Variants in LRP12 observed in about 807,000 individuals in gnomAD.
The protein encoded by LRP12 is low-density lipoprotein receptor-related protein 12.
LRP12 carries 14 observed loss-of-function variants against 66.0 expected under a neutral mutation model. The observed-to-expected ratio is 0.21, with a 90% confidence interval of 0.14 to 0.33. LRP12 has a LOEUF of 0.33. LRP12 is among the 10% of genes least tolerant of loss of function. LRP12 has a pLI of 1.00. For synonymous variants in LRP12, 357 were observed against 359.1 expected (o/e 0.99, Z 0.07); for missense variants, 889 against 1,053.4 (o/e 0.84, Z 2.16).
chr8:104,527,089 C>T (rs1316487102), intron 2 of LRP12, among the ~76,000 whole-genome samples: 16 of 151,392 alleles, frequency 1.1e-4, no homozygotes, highest in South Asian at 1.0e-3. Flanking sequence ...AAATGCTCAC[C>T]GTCACTGGCC....
intron 1 of LRP12, among the ~76,000 whole-genome samples, chr8:104,552,354 T>C (rs1811740014): frequency 2.0e-5 from 3 of 148,460 alleles, no homozygotes; most frequent in Admixed American, 6.6e-5. Flanking sequence ...AATAAATGTA[T>C]AAATATGTCT....
rs754890211 is a variant in LRP12, at chr8:104,535,576, A to C, written c.80-3613T>G. On this transcript the variant is annotated intron_variant, in intron 1 of 6. Coordinates refer to ENST00000276654, the MANE Select transcript of LRP12 (RefSeq NM_013437.5). ...CTAATAAATACACCTAAGATTTGAT[A>C]GGTATGTACCAGCCAAATCCTAAGT... Among the ~76,000 whole-genome samples the C allele has an allele frequency of 1.2e-4, 19 of 152,034 alleles. 1 individual carries two copies. Among genetic ancestry groups the C allele is most frequent in the Non-Finnish European group, 2.9e-5 (2 of 67,922 alleles).
chr8:104,548,628 T>TATATAATTAAATTAATTATATA (rs1811675992), intron 1 of LRP12, among the ~76,000 whole-genome samples: 1 of 114,526 alleles, frequency 8.7e-6, no homozygotes, highest in South Asian at 2.6e-4. Context: ...ATTATATAAT[T>TATATAATTAAATTAATTATATA]ATTATATAAT....
intron 1 of LRP12, among the ~76,000 whole-genome samples, chr8:104,580,641 T>C (rs1380689241): frequency 6.6e-6 from 1 of 152,104 alleles, no homozygotes. Context: ...ATGAACACTT[T>C]TCAAAAAAAG....
chr8:104,550,108 T>C (rs1198477858), intron 1 of LRP12, among the ~76,000 whole-genome samples: 1 of 152,208 alleles, frequency 6.6e-6, no homozygotes, highest in Admixed American at 6.5e-5. Flanking sequence ...TGAGCACTTA[T>C]ACTGTGCCAG....
intron 1 of LRP12, among the ~76,000 whole-genome samples, chr8:104,536,077 G>A (rs1811389381): frequency 6.6e-6 from 1 of 151,946 alleles, no homozygotes; most frequent in Admixed American, 6.6e-5. Flanking sequence ...AAGCAAAGAT[G>A]GTTCCTATTT....
At chr8:104,496,220 T>C (rs1468915101) in intron 5 of LRP12, 1 of 152,214 alleles carries the variant, frequency 6.6e-6, no homozygotes, top group South Asian at 2.1e-4. Context: ...TGTTGTCACT[T>C]AACTCTACAA....
rs1308971963 is a variant in LRP12, at chr8:104,491,222, T to C, written c.2031A>G (p.Gln677=). 1 of 1,614,052 alleles carries C rather than the reference T, an allele frequency of 6.2e-7. No homozygotes were observed. The highest frequency in any genetic ancestry group is 8.5e-7 in the Non-Finnish European group (1 of 1,179,974). ...ASGGVAAPLP[Q]KVPPTTAVEA... is the part of the protein sequence containing the mutation. ...CTACTGCCGTTGTGGGAGGGACTTT[T>C]TGAGGCAAAGGAGCTGCAACCCCAC... Residue 677 remains glutamine (Q), a synonymous_variant, in exon 7 of 7, where the codon CAA becomes CAG. Coordinates refer to ENST00000276654, the MANE Select transcript of LRP12 (RefSeq NM_013437.5).
chr8:104,541,466 A>G (rs1811474964), intron 1 of LRP12, among the ~76,000 whole-genome samples: 1 of 152,202 alleles, frequency 6.6e-6, no homozygotes, highest in Non-Finnish European at 1.5e-5. Flanking sequence ...AAAAAAAATT[A>G]CACACCTATA....
chr8:104,531,696 T>C (rs961683389), intron 2 of LRP12, among the ~76,000 whole-genome samples: 1 of 152,138 alleles, frequency 6.6e-6, no homozygotes, highest in Non-Finnish European at 1.5e-5. Flanking sequence ...GCAGTCCGTT[T>C]GGAAAAGTAT....
intron 1 of LRP12, among the ~76,000 whole-genome samples, chr8:104,547,484 TATA>T (rs1490016664): frequency 7.4e-6 from 1 of 134,332 alleles, no homozygotes; most frequent in Non-Finnish European, 1.5e-5. Flanking sequence ...GTATACAATA[TATA>T]ATTCTGTTAT....
At chr8:104,527,845 A>G (rs1167015340) in intron 2 of LRP12, among the ~76,000 whole-genome samples, 1 of 151,712 alleles carries the variant, frequency 6.6e-6, no homozygotes, top group Admixed American at 6.6e-5. Context: ...AAAACAAAGA[A>G]AAAAAAAGAC....
chr8:104,577,553 G>A (rs919177327), intron 1 of LRP12, among the ~76,000 whole-genome samples: 4 of 152,178 alleles, frequency 2.6e-5, no homozygotes, highest in Admixed American at 6.5e-5. Flanking sequence ...GCTCACGCCT[G>A]TAATCCCACC....
At chr8:104,500,565 T>C (rs1431144889) in intron 3 of LRP12, among the ~76,000 whole-genome samples, 3 of 152,162 alleles carry the variant, frequency 2.0e-5, no homozygotes, top group Admixed American at 6.5e-5. Context: ...TAGCCGGGCA[T>C]GATGGTATGT....
rs879237391 is a variant in LRP12, at chr8:104,588,970, ACGCCGC to A, written c.-79_-74del. The A allele has an allele frequency of 0.017, 10,037 of 600,894 alleles. 328 individuals carry two copies. The highest frequency in any genetic ancestry group is 0.12 in the African/African-American group (4,724 of 40,518). 37.2% of individuals were successfully genotyped at this position (600,894 alleles called of 1,614,324 possible). A position where few individuals can be genotyped will look rare whatever the true frequency, so the allele number is the denominator to read the frequency against. On this transcript the variant is annotated 5_prime_UTR_variant, in exon 1 of 7. Coordinates refer to ENST00000276654, the MANE Select transcript of LRP12 (RefSeq NM_013437.5). The stretch of plus-strand genomic sequence containing the variant: ...GAGAAGCTGGAGGTAGACGACGCCG[ACGCCGC>A]CGCCGCCGCCGCCGCCGCCGCCGAG...
intron 1 of LRP12, among the ~76,000 whole-genome samples, chr8:104,573,504 T>A (rs988546175): frequency 1.3e-5 from 2 of 152,146 alleles, no homozygotes; most frequent in Non-Finnish European, 2.9e-5. Context: ...TAAGAAGGGA[T>A]CTACTTCTTA....
chr8:104,547,641 T>G (rs1564141458), intron 1 of LRP12, among the ~76,000 whole-genome samples: 1 of 124,594 alleles, frequency 8.0e-6, no homozygotes, highest in Non-Finnish European at 1.6e-5. Context: ...TAAATATATA[T>G]TAATAATTAA....
intron 1 of LRP12, among the ~76,000 whole-genome samples, chr8:104,553,903 A>G (rs1240966010): frequency 6.6e-6 from 1 of 152,184 alleles, no homozygotes; most frequent in African/African-American, 2.4e-5. Flanking sequence ...TGTTCACTGG[A>G]AAGATGCTGG....
chr8:104,547,815 A>T (rs1811619260), intron 1 of LRP12, among the ~76,000 whole-genome samples: 1 of 125,936 alleles, frequency 7.9e-6, no homozygotes, highest in African/African-American at 3.0e-5. Flanking sequence ...ATATAATTCT[A>T]TATACTTTGT....
Sources: allele counts gnomAD v4.1 joint callset (sites outside exome capture counted in the v4.1 genomes callset), GRCh38; gene constraint gnomAD v4.1.1; transcripts MANE v1.5; gene names NCBI Gene and HGNC (gene_info 2026-07-23, HGNC 2026-07-21).